Variants in WWOX observed in about 807,000 individuals in gnomAD.
WWOX encodes the protein WW domain containing oxidoreductase, also known as WW domain-containing oxidoreductase.
Under a neutral mutation model 46.2 loss-of-function variants are expected in WWOX, and 69 were observed. That is an observed-to-expected ratio of 1.49 (90% confidence interval 1.23 to 1.82). WWOX has a LOEUF of 1.82. Among genes scored for constraint, WWOX ranks in the 40% most tolerant of loss-of-function variants. The probability of loss-of-function intolerance (pLI) is 0.00; values close to 1 mark genes in which losing one functional copy is unlikely to be tolerated. For synonymous variants in WWOX, 359 were observed against 202.6 expected (o/e 1.77, Z -6.56); for missense variants, 919 against 542.6 (o/e 1.69, Z -6.89).
intron 5 of WWOX, among the ~76,000 whole-genome samples, chr16:78,346,910 G>C (rs2081103108): frequency 8.5e-6 from 1 of 117,788 alleles, no homozygotes; most frequent in African/African-American, 2.9e-5. Flanking sequence ...TTTTTTAGCA[G>C]AGACAGGGTT....
chr16:78,815,543 C>G (rs2051306871), intron 8 of WWOX, among the ~76,000 whole-genome samples: 1 of 152,192 alleles, frequency 6.6e-6, no homozygotes, highest in Non-Finnish European at 1.5e-5. Context: ...AATTTGAAAT[C>G]TCAGACCATG....
intron 8 of WWOX, among the ~76,000 whole-genome samples, chr16:78,957,707 G>A (rs1486287378): frequency 6.6e-6 from 1 of 152,192 alleles, no homozygotes; most frequent in African/African-American, 2.4e-5. Flanking sequence ...TTATGTATGT[G>A]AACCTCTCCG....
chr16:79,024,286 C>T (rs539405996), intron 8 of WWOX, among the ~76,000 whole-genome samples: 2 of 152,222 alleles, frequency 1.3e-5, no homozygotes, highest in South Asian at 4.1e-4. Context: ...AGGGACAGGG[C>T]CTTACGCTGC....
chr16:78,624,665 T>A (rs962638695), intron 8 of WWOX, among the ~76,000 whole-genome samples: 1 of 152,190 alleles, frequency 6.6e-6, no homozygotes, highest in Non-Finnish European at 1.5e-5. Context: ...GAAAAAACCC[T>A]CACTTTTATT....
At chr16:78,707,960 A>G (rs1185950089) in intron 8 of WWOX, among the ~76,000 whole-genome samples, 1 of 152,228 alleles carries the variant, frequency 6.6e-6, no homozygotes, top group Non-Finnish European at 1.5e-5. Flanking sequence ...ATTACTTTTA[A>G]TGGAATAGTA....
At chr16:78,822,004 G>T (rs1270929841) in intron 8 of WWOX, among the ~76,000 whole-genome samples, 1 of 152,182 alleles carries the variant, frequency 6.6e-6, no homozygotes, top group Non-Finnish European at 1.5e-5. Context: ...AGTCTCCTGA[G>T]TAGGTAGGAC....
Position 79,010,057 on chromosome 16 carries a change from G to T in WWOX, c.1057-201551G>T, listed in dbSNP as rs1469135. 4.7e-3 allele frequency among the ~76,000 whole-genome samples: 722 copies of T among 152,208 alleles called. 8 individuals are homozygous for T. Among genetic ancestry groups the T allele is most frequent in the African/African-American group, 0.016 (672 of 41,522 alleles). ...TGCCTAGAATTGAGCAAGCTGCTAT[G>T]CTTGCAAAGGCCTTGGCCAGCTGCT... On this transcript the variant is annotated intron_variant, in intron 8 of 8. Transcript: ENST00000566780.
intron 8 of WWOX, among the ~76,000 whole-genome samples, chr16:78,596,357 A>G (rs2045489954): frequency 6.6e-6 from 1 of 152,010 alleles, no homozygotes; most frequent in Non-Finnish European, 1.5e-5. Context: ...TGGCCCTTCA[A>G]GAGCATGTAG....
Position 78,128,224 on chromosome 16 carries a change from T to C in WWOX, c.409+13070T>C, listed in dbSNP as rs573560140. ...GTTGTTGTTAGGATATGGGGAGAGG[T>C]TTCTGCAAATATCTTCTTCAGGGTT... On this transcript the variant is annotated intron_variant, in intron 4 of 8. Coordinates refer to ENST00000566780, the MANE Select transcript of WWOX (RefSeq NM_016373.4). Among the ~76,000 whole-genome samples, 9 of 151,754 alleles carry C rather than the reference T, an allele frequency of 5.9e-5. No individual in the cohort carries two copies. In the East Asian group the frequency reaches 1.7e-3, roughly 29 times the overall value.
At chr16:78,164,341 G>C (rs767079728) in intron 5 of WWOX, 52 bp downstream of exon 5, 1 of 1,516,576 alleles carries the variant, frequency 6.6e-7, no homozygotes, top group African/African-American at 1.4e-5. Context: ...CACATGCCGG[G>C]CTAACCATAT....
intron 6 of WWOX, among the ~76,000 whole-genome samples, chr16:78,402,621 ACAAT>A (rs2082439997): frequency 6.6e-6 from 1 of 152,118 alleles, no homozygotes; most frequent in African/African-American, 2.4e-5. Flanking sequence ...TGGTATTGGT[ACAAT>A]CAGTCAGGAA....
intron 8 of WWOX, among the ~76,000 whole-genome samples, chr16:78,755,825 G>A (rs575154363): frequency 1.3e-5 from 2 of 152,182 alleles, no homozygotes; most frequent in African/African-American, 4.8e-5. Flanking sequence ...AATAGCTTTG[G>A]GTCTACAAGT....
intron 8 of WWOX, among the ~76,000 whole-genome samples, chr16:78,801,236 A>C (rs989022593): frequency 1.3e-5 from 2 of 152,082 alleles, no homozygotes; most frequent in South Asian, 2.1e-4. Context: ...TGTGGTGGGC[A>C]TGGTGGCTCA....
At chr16:79,116,944 A>G (rs368329806) in intron 8 of WWOX, among the ~76,000 whole-genome samples, 9 of 152,288 alleles carry the variant, frequency 5.9e-5, no homozygotes, top group African/African-American at 2.2e-4. Context: ...CATAGGCTGC[A>G]GACTGGGCAT....
chr16:78,516,087 C>A (rs2151492236), intron 8 of WWOX, among the ~76,000 whole-genome samples: 1 of 152,156 alleles, frequency 6.6e-6, no homozygotes, highest in East Asian at 1.9e-4. Context: ...ATTATTGAAA[C>A]CGTGCAAATG....
At chr16:78,812,767 A>C (rs1409255145) in intron 8 of WWOX, among the ~76,000 whole-genome samples, 2 of 152,134 alleles carry the variant, frequency 1.3e-5, no homozygotes, top group Non-Finnish European at 2.9e-5. Context: ...GCCTTGACTA[A>C]TGCAGAATCA....
intron 8 of WWOX, among the ~76,000 whole-genome samples, chr16:78,448,765 A>C (rs145613093): frequency 2.6e-5 from 4 of 152,298 alleles, no homozygotes; most frequent in Admixed American, 2.0e-4. Flanking sequence ...TGAAATGGGC[A>C]GTGAACTTCC....
At chr16:79,056,979 A>G (rs1031135882) in intron 8 of WWOX, among the ~76,000 whole-genome samples, 8 of 152,212 alleles carry the variant, frequency 5.3e-5, no homozygotes, top group African/African-American at 1.4e-4. Context: ...TCACTTTTGA[A>G]AATGTCATTG....
chr16:78,387,435 A>C (rs571130873), intron 6 of WWOX, among the ~76,000 whole-genome samples: 2 of 151,264 alleles, frequency 1.3e-5, no homozygotes, highest in Non-Finnish European at 3.0e-5. Flanking sequence ...ATGGACTCAC[A>C]TTCCTTTTAT....
Sources: gnomAD v4.1 joint callset for allele counts (sites outside exome capture counted in the v4.1 genomes callset) on GRCh38, gnomAD v4.1.1 for gene constraint, MANE v1.5 for transcripts, NCBI Gene and HGNC (gene_info 2026-07-23, HGNC 2026-07-21) for gene names.